Variants in MATCAP1 observed in about 807,000 individuals in gnomAD.
MATCAP1 encodes microtubule associated tyrosine carboxypeptidase 1.
the MATCAP1 span, chr16:67,179,694 C>A: frequency 6.6e-7 from 1 of 1,507,140 alleles, no homozygotes; most frequent in African/African-American, 1.4e-5. This position sits in a 1 kb window ranked among gnomAD's most constrained non-coding sequence, Gnocchi z 5.2. Flanking sequence ...CTGCTCAGAA[C>A]CAGCTCCCAC....
chr16:67,183,628 G>A, the MATCAP1 span: 1 of 152,604 alleles, frequency 6.6e-6, no homozygotes, highest in Non-Finnish European at 1.5e-5. Context: ...ACAAATGAGA[G>A]GGTGTGGCCT....
the MATCAP1 span, chr16:67,175,613 GT>G: frequency 6.4e-6 from 1 of 155,298 alleles, no homozygotes; most frequent in Non-Finnish European, 1.4e-5. Context: ...TGTCATTACT[GT>G]TTTAATTGTC....
chr16:67,176,954 G>A, the MATCAP1 span: 4 of 1,580,728 alleles, frequency 2.5e-6, no homozygotes, highest in Non-Finnish European at 8.6e-7. This position sits in a 1 kb window ranked among gnomAD's most constrained non-coding sequence, Gnocchi z 4.3. Flanking sequence ...GGCCGCAGGT[G>A]GTCCACATCC....
At chr16:67,177,801 G>T in the MATCAP1 span, among the ~76,000 whole-genome samples, 4 of 152,182 alleles carry the variant, frequency 2.6e-5, no homozygotes, top group Non-Finnish European at 5.9e-5. Context: ...CCTTTGAGAT[G>T]CAGTATCTAC....
the MATCAP1 span, chr16:67,178,743 A>ACCCC: frequency 1.8e-6 from 1 of 557,944 alleles, no homozygotes; most frequent in Non-Finnish European, 3.2e-6. Context: ...TCTCCCACCC[A>ACCCC]TCCGCCCCCC....
chr16:67,177,933 C>T, the MATCAP1 span: 9 of 1,325,544 alleles, frequency 6.8e-6, no homozygotes, highest in Non-Finnish European at 7.6e-6. Context: ...CTCGGTCTAG[C>T]ACCAATCCGA....
chr16:67,178,065 C>T, the MATCAP1 span: 1 of 1,614,182 alleles, frequency 6.2e-7, no homozygotes. Flanking sequence ...TCGCAGAATG[C>T]GCACGATGCC....
chr16:67,181,190 T>C, the MATCAP1 span, among the ~76,000 whole-genome samples: 1 of 152,190 alleles, frequency 6.6e-6, no homozygotes, highest in East Asian at 1.9e-4. Flanking sequence ...CCTGGGCAGA[T>C]TAGGTAGGTG....
At chr16:67,183,523 A>T in the MATCAP1 span, 1 of 152,120 alleles carries the variant, frequency 6.6e-6, no homozygotes, top group Non-Finnish European at 1.5e-5. Context: ...ATGGGGTCTG[A>T]TTCACCCCCG....
the MATCAP1 span, chr16:67,177,880 C>A: frequency 1.3e-6 from 1 of 748,676 alleles, no homozygotes; most frequent in Non-Finnish European, 2.3e-6. Flanking sequence ...GTTCTCACTT[C>A]CACCCACGCT....
At chr16:67,179,228 G>A in the MATCAP1 span, 1 of 1,410,376 alleles carries the variant, frequency 7.1e-7, no homozygotes, top group Non-Finnish European at 9.2e-7. The surrounding 1 kb of genome is among the most constrained non-coding windows in gnomAD (Gnocchi z 5.2). Context: ...ATGAGAGCGA[G>A]CCCAGAGCAT....
the MATCAP1 span, chr16:67,178,411 G>A: frequency 1.9e-6 from 3 of 1,543,470 alleles, no homozygotes. Flanking sequence ...GCCCTCCTCC[G>A]TGGGGTTCGC....
chr16:67,178,577 CTG>C, the MATCAP1 span: 11 of 1,317,014 alleles, frequency 8.4e-6, no homozygotes, highest in Non-Finnish European at 1.2e-5. Flanking sequence ...AGCCCTGGCC[CTG>C]TTCCATCTGG....
the MATCAP1 span, chr16:67,179,810 C>T: frequency 5.6e-6 from 9 of 1,614,028 alleles, no homozygotes; most frequent in Non-Finnish European, 6.8e-6. The surrounding 1 kb of genome is among the most constrained non-coding windows in gnomAD (Gnocchi z 5.2). Flanking sequence ...TGCAGGCAAG[C>T]TCACCTCCCC....
At chr16:67,181,874 C>T in the MATCAP1 span, among the ~76,000 whole-genome samples, 15 of 152,190 alleles carry the variant, frequency 9.9e-5, no homozygotes, top group Non-Finnish European at 1.8e-4. Flanking sequence ...TTGTTCCCAG[C>T]ACTCCATCCA....
chr16:67,177,058 A>G, the MATCAP1 span: 3 of 1,288,992 alleles, frequency 2.3e-6, no homozygotes, highest in Admixed American at 5.5e-5. Flanking sequence ...CTTACAGCTC[A>G]CAGCCTTTGC....
chr16:67,180,144 A>G, the MATCAP1 span: 1 of 1,614,086 alleles, frequency 6.2e-7, no homozygotes. Context: ...ATGGGACTGG[A>G]AGAACTTGTC....
chr16:67,178,302 GA>G, the MATCAP1 span: 1 of 1,582,510 alleles, frequency 6.3e-7, no homozygotes, highest in Non-Finnish European at 8.6e-7. Context: ...AGAGCTGACG[GA>G]AGGACATGCG....
chr16:67,179,733 AGGT>A, the MATCAP1 span: 1 of 1,577,228 alleles, frequency 6.3e-7, no homozygotes, highest in Non-Finnish European at 8.7e-7. This position sits in a 1 kb window ranked among gnomAD's most constrained non-coding sequence, Gnocchi z 5.2. Flanking sequence ...GGGGTGGGTC[AGGT>A]GTGGAGCTGG....
Sources: allele counts gnomAD v4.1 joint callset (sites outside exome capture counted in the v4.1 genomes callset), GRCh38; gene constraint gnomAD v4.1.1; non-coding constraint Gnocchi (gnomAD v3.1); transcripts MANE v1.5; gene names NCBI Gene and HGNC (gene_info 2026-07-23, HGNC 2026-07-21).